ASXL2: variants seen among roughly 807,000 people sequenced by gnomAD.
ASXL2 encodes putative Polycomb group protein ASXL2.
Under a neutral mutation model 122.0 loss-of-function variants are expected in ASXL2, and 23 were observed. The observed-to-expected ratio is 0.19, with a 90% CI of 0.14 to 0.27. ASXL2 has a LOEUF of 0.27. ASXL2 is among the 10% of genes least tolerant of loss of function. The pLI, the probability that ASXL2 is intolerant of heterozygous loss-of-function variation, is 1.00. For synonymous variants in ASXL2, 650 were observed against 637.0 expected (o/e 1.02, Z -0.31); for missense variants, 1,518 against 1,713.8 (o/e 0.89, Z 2.02).
intron 7 of ASXL2, among the ~76,000 whole-genome samples, chr2:25,768,231 G>A (rs1424302293): frequency 6.6e-6 from 1 of 152,160 alleles, no homozygotes; most frequent in East Asian, 1.9e-4. Flanking sequence ...CTGATTAGAG[G>A]TTTCCAAATA....
chr2:25,783,668 C>T (rs1392400297), intron 5 of ASXL2, among the ~76,000 whole-genome samples: 1 of 152,038 alleles, frequency 6.6e-6, no homozygotes, highest in Admixed American at 6.6e-5. Flanking sequence ...GTGGCTCACA[C>T]CTGTAATCCC....
At chr2:25,788,173 G>C (rs2088778004) in intron 5 of ASXL2, among the ~76,000 whole-genome samples, 1 of 152,130 alleles carries the variant, frequency 6.6e-6, no homozygotes, top group Non-Finnish European at 1.5e-5. Flanking sequence ...GGGGTGAAAG[G>C]AATAAAATGA....
chr2:25,803,548 C>G (rs2089031813), intron 4 of ASXL2, among the ~76,000 whole-genome samples: 1 of 152,192 alleles, frequency 6.6e-6, no homozygotes, highest in Non-Finnish European at 1.5e-5. Context: ...TGAATTACAG[C>G]AGTGGTCCCC....
chr2:25,780,244 C>A (rs1352082138), intron 5 of ASXL2: 2 of 149,488 alleles, frequency 1.3e-5, no homozygotes, highest in East Asian at 3.9e-4. Flanking sequence ...AAGACAAGGT[C>A]TTACTCTGTT....
At chr2:25,745,176 C>T (rs1464242271) in intron 12 of ASXL2, among the ~76,000 whole-genome samples, 1 of 150,916 alleles carries the variant, frequency 6.6e-6, no homozygotes, top group Non-Finnish European at 1.5e-5. Context: ...GGTCCTATCC[C>T]AAAAAATTAC....
At chr2:25,844,591 C>A (rs1434447644) in intron 2 of ASXL2, among the ~76,000 whole-genome samples, 89 of 148,572 alleles carry the variant, frequency 6.0e-4, no homozygotes, top group Middle Eastern at 3.5e-3. Context: ...AAAAAACAAA[C>A]AAAAAAAACA....
intron 8 of ASXL2, among the ~76,000 whole-genome samples, chr2:25,761,275 AG>A (rs1428429156): frequency 1.3e-5 from 2 of 152,238 alleles, no homozygotes; most frequent in Non-Finnish European, 2.9e-5. Context: ...TATTCCAAAG[AG>A]GACAGAAAGA....
At chr2:25,806,411 CA>C (rs1296498334) in intron 3 of ASXL2, 74 bp from the exon 4 acceptor site, 1 of 983,752 alleles carries the variant, frequency 1.0e-6, no homozygotes, top group Non-Finnish European at 1.5e-6. Context: ...ATGTAACACT[CA>C]AAATAAAATT....
intron 1 of ASXL2, among the ~76,000 whole-genome samples, chr2:25,850,973 T>C (rs2089709071): frequency 6.6e-6 from 1 of 152,116 alleles, no homozygotes; most frequent in Non-Finnish European, 1.5e-5. Context: ...ACCTCATCTC[T>C]ACTAAAACTA....
intron 1 of ASXL2, among the ~76,000 whole-genome samples, chr2:25,863,809 C>A (rs548055362): frequency 1.3e-5 from 2 of 151,788 alleles, no homozygotes; most frequent in South Asian, 4.2e-4. Flanking sequence ...AGTTCGAGAC[C>A]AGCCTGGCCA....
chr2:25,810,364 G>A (rs1036464743), intron 3 of ASXL2: 1 of 660,746 alleles, frequency 1.5e-6, no homozygotes, highest in African/African-American at 1.8e-5. Flanking sequence ...ATCTTTTAAG[G>A]TCCAGTTTTT....
At chr2:25,820,532 C>A (rs1351583346) in intron 3 of ASXL2, among the ~76,000 whole-genome samples, 1 of 152,094 alleles carries the variant, frequency 6.6e-6, no homozygotes, top group Non-Finnish European at 1.5e-5. Context: ...TATATGATTC[C>A]ATTTATATGA....
intron 11 of ASXL2, among the ~76,000 whole-genome samples, chr2:25,751,642 A>G (rs1574396381): frequency 6.6e-6 from 1 of 152,090 alleles, no homozygotes; most frequent in African/African-American, 2.4e-5. Context: ...TTTGAAAAAA[A>G]AAAAAGAAAA....
chr2:25,860,053 G>A (rs1425293650), intron 1 of ASXL2, among the ~76,000 whole-genome samples: 1 of 152,190 alleles, frequency 6.6e-6, no homozygotes, highest in African/African-American at 2.4e-5. Flanking sequence ...CAGGCATGGT[G>A]GCTCACACCT....
chr2:25,877,144 A>C (rs1404200147), intron 1 of ASXL2, among the ~76,000 whole-genome samples: 1 of 152,196 alleles, frequency 6.6e-6, no homozygotes, highest in African/African-American at 2.4e-5. Context: ...GTTCACTAAG[A>C]AGGGCTACGT....
At position 25,773,437 on chromosome 2, in the gene ASXL2, G is replaced by A. The variant is rs948664772; in HGVS notation, c.404-1897C>T. 7.9e-5 allele frequency among the ~76,000 whole-genome samples: 12 copies of A among 151,870 alleles called. No homozygotes were observed. The East Asian group carries it at 1.9e-3, about 25-fold the overall frequency. The stretch of plus-strand genomic sequence containing the variant: ...TCCCAGCACTTTGGGAGGCCAAGGC[G>A]GGCGGATCACAAGGTCAGGAGATTG... On this transcript the variant is annotated intron_variant, in intron 5 of 12. Transcript: ENST00000435504.
chr2:25,785,210 C>G (rs368315224), intron 5 of ASXL2, among the ~76,000 whole-genome samples: 7 of 152,086 alleles, frequency 4.6e-5, no homozygotes, highest in African/African-American at 1.7e-4. Flanking sequence ...TTCTCCCAAA[C>G]TTATTTATTT....
In ASXL2 at chr2:25,734,342, T is replaced by C. The variant is rs1046807040; in HGVS notation, c.*7687A>G. On this transcript the variant is annotated 3_prime_UTR_variant, in exon 13 of 13. Coordinates refer to ENST00000435504, the MANE Select transcript of ASXL2 (RefSeq NM_018263.6). Reference sequence around the variant, plus strand: ...AAAATGTGTGCAAAGTGATTATATGTAGGTTAAGCTGGGGTCACTACTGAA... The same window carrying C: ...AAAATGTGTGCAAAGTGATTATATGCAGGTTAAGCTGGGGTCACTACTGAA... 1 of 152,158 alleles carries C rather than the reference T, an allele frequency of 6.6e-6. No homozygotes were observed. The highest frequency in any genetic ancestry group is 2.4e-5 in the African/African-American group (1 of 41,444). The allele number at this position is 152,158 out of a possible 1,614,324, so 9.4% of individuals were successfully genotyped here.
chr2:25,878,024 C>T, intron 1 of ASXL2, 142 bp downstream of exon 1: 1 of 1,044,516 alleles, frequency 9.6e-7, no homozygotes, highest in Non-Finnish European at 1.5e-6. Context: ...ATCGCAACCC[C>T]GACACTAACC....
Sources: allele counts gnomAD v4.1 joint callset (sites outside exome capture counted in the v4.1 genomes callset), GRCh38; gene constraint gnomAD v4.1.1; transcripts MANE v1.5; gene names NCBI Gene and HGNC (gene_info 2026-07-23, HGNC 2026-07-21).